The following SLC25A26 variants were observed in gnomAD, a reference collection of about 807,000 sequenced individuals.
SLC25A26 encodes the protein solute carrier family 25 member 26, also known as mitochondrial S-adenosylmethionine carrier protein.
A neutral mutation model predicts 37.8 loss-of-function variants in SLC25A26; 36 were observed. That is an observed-to-expected ratio of 0.95 (90% CI 0.73 to 1.26). SLC25A26 has a LOEUF of 1.26. Ranked by LOEUF, SLC25A26 falls within the 50% of genes most tolerant of loss-of-function variation. The pLI, the probability that SLC25A26 is intolerant of heterozygous loss-of-function variation, is 0.00. For missense variants in SLC25A26, 390 were observed against 331.1 expected, an observed-to-expected ratio of 1.18 and a Z score of -1.38; for synonymous variants, 129 against 122.5, an observed-to-expected ratio of 1.05 and a Z score of -0.35.
In SLC25A26 at chr3:66,300,931, A is replaced by G. The variant is rs146254101; in HGVS notation, c.453+37552A>G. On this transcript the variant is annotated intron_variant, in intron 5 of 9. Transcript: ENST00000354883. ...CAATTTAAAATTCTACTTAAAAATT[A>G]CTTGTTTGGATTTCTAAGCAGATTT... is the stretch of plus-strand genomic sequence containing the variant. 9.7e-4 allele frequency among the ~76,000 whole-genome samples: 147 copies of G among 152,300 alleles called. 1 individual carries two copies. Among genetic ancestry groups the G allele is most frequent in the African/African-American group, 3.3e-3 (136 of 41,572 alleles).
chr3:66,312,440 G>A (rs1220003391), intron 5 of SLC25A26, among the ~76,000 whole-genome samples: 1 of 152,062 alleles, frequency 6.6e-6, no homozygotes, highest in Non-Finnish European at 1.5e-5. Context: ...GGAGCCTACT[G>A]GGCAAGATCA....
chr3:66,277,345 A>G (rs2074187977), intron 5 of SLC25A26, among the ~76,000 whole-genome samples: 4 of 152,162 alleles, frequency 2.6e-5, no homozygotes, highest in Admixed American at 2.6e-4. Flanking sequence ...GAGTGTCATA[A>G]CAGAAAGACA....
intron 1 of SLC25A26, among the ~76,000 whole-genome samples, chr3:66,156,885 G>GTT (rs2070290255): frequency 6.6e-6 from 1 of 152,042 alleles, no homozygotes; most frequent in East Asian, 1.9e-4. Context: ...TTTCCCAACA[G>GTT]GCTTCCATGG....
At chr3:66,333,176 G>C (rs908047761) in intron 5 of SLC25A26, among the ~76,000 whole-genome samples, 1 of 152,140 alleles carries the variant, frequency 6.6e-6, no homozygotes. Context: ...AATAACATGA[G>C]CTCTTTTAAT....
intron 5 of SLC25A26, among the ~76,000 whole-genome samples, chr3:66,276,221 C>T (rs2074140823): frequency 6.6e-6 from 1 of 152,022 alleles, no homozygotes; most frequent in Non-Finnish European, 1.5e-5. Context: ...AGACATCAGC[C>T]TGTTTGTACA....
chr3:66,220,490 G>C (rs377355001), upstream of SLC25A26, among the ~76,000 whole-genome samples: 1 of 152,164 alleles, frequency 6.6e-6, no homozygotes, highest in South Asian at 2.1e-4. Flanking sequence ...CAGTAACTCT[G>C]TAAAGAGAAA....
chr3:66,183,632 C>T (rs1015916466), intron 1 of SLC25A26, among the ~76,000 whole-genome samples: 1 of 152,078 alleles, frequency 6.6e-6, no homozygotes, highest in African/African-American at 2.4e-5. Context: ...CACAATTACT[C>T]AGATCCTGAA....
intron 1 of SLC25A26, among the ~76,000 whole-genome samples, chr3:66,193,130 C>T (rs1428124659): frequency 6.6e-6 from 1 of 152,044 alleles, no homozygotes; most frequent in Non-Finnish European, 1.5e-5. Flanking sequence ...TAATATAATA[C>T]ATACTGCTTT....
intron 5 of SLC25A26, among the ~76,000 whole-genome samples, chr3:66,340,291 A>G (rs1256969230): frequency 6.6e-6 from 1 of 152,054 alleles, no homozygotes; most frequent in Non-Finnish European, 1.5e-5. Context: ...TCCAGCTTTC[A>G]TTGGGGTACC....
intron 7 of SLC25A26, among the ~76,000 whole-genome samples, chr3:66,368,799 C>T (rs193099090): frequency 2.5e-4 from 38 of 152,192 alleles, no homozygotes; most frequent in African/African-American, 8.2e-4. Context: ...AGGAGGAGTG[C>T]TTGATGCAAG....
At chr3:66,367,090 G>A (rs1488646956) in intron 7 of SLC25A26, among the ~76,000 whole-genome samples, 2 of 152,098 alleles carry the variant, frequency 1.3e-5, no homozygotes, top group Non-Finnish European at 2.9e-5. Context: ...AAGCGTTTTC[G>A]AGTGCCTGCT....
intron 6 of SLC25A26, among the ~76,000 whole-genome samples, chr3:66,358,929 T>G (rs2076636567): frequency 6.6e-6 from 1 of 152,262 alleles, no homozygotes; most frequent in South Asian, 2.1e-4. Context: ...TGTATTGTGG[T>G]TGCTGTTACA....
chr3:66,143,982 T>C (rs1399260581), intron 1 of SLC25A26, among the ~76,000 whole-genome samples: 7 of 152,190 alleles, frequency 4.6e-5, no homozygotes. Flanking sequence ...GCACACTTTG[T>C]TGGCCTGTGA....
intron 5 of SLC25A26, among the ~76,000 whole-genome samples, chr3:66,312,467 C>T (rs2075407724): frequency 6.6e-6 from 1 of 151,754 alleles, no homozygotes; most frequent in Non-Finnish European, 1.5e-5. Flanking sequence ...TTCCTGGCTT[C>T]AGCCCCCTTT....
intron 1 of SLC25A26, among the ~76,000 whole-genome samples, chr3:66,234,789 A>G (rs953528701): frequency 5.3e-5 from 8 of 152,334 alleles, no homozygotes; most frequent in African/African-American, 9.6e-5. Context: ...TTGAAGTTCA[A>G]TTGTATGTTT....
chr3:66,337,683 T>G (rs1421652920), intron 5 of SLC25A26, among the ~76,000 whole-genome samples: 4 of 152,086 alleles, frequency 2.6e-5, no homozygotes, highest in South Asian at 2.1e-4. Context: ...CTTCTGTATA[T>G]TAATTTTAAT....
At chr3:66,154,375 T>G (rs1380389759) in intron 1 of SLC25A26, among the ~76,000 whole-genome samples, 2 of 152,080 alleles carry the variant, frequency 1.3e-5, no homozygotes, top group African/African-American at 4.8e-5. Context: ...GCCTTCTGCC[T>G]CATTTCTGCA....
At chr3:66,299,520 A>G (rs2075009758) in intron 5 of SLC25A26, among the ~76,000 whole-genome samples, 1 of 152,184 alleles carries the variant, frequency 6.6e-6, no homozygotes, top group African/African-American at 2.4e-5. Flanking sequence ...ATCCTTTCAT[A>G]CTAATATTTA....
At chr3:66,230,634 T>C (rs1027322547) in intron 1 of SLC25A26, among the ~76,000 whole-genome samples, 1 of 149,484 alleles carries the variant, frequency 6.7e-6, no homozygotes, top group African/African-American at 2.5e-5. Flanking sequence ...AGAAACCCTG[T>C]CTCTACTAAA....
Sources: gnomAD v4.1 joint callset for allele counts (sites outside exome capture counted in the v4.1 genomes callset) on GRCh38, gnomAD v4.1.1 for gene constraint, MANE v1.5 for transcripts, NCBI Gene and HGNC (gene_info 2026-07-23, HGNC 2026-07-21) for gene names.